Variants in CSMD1 observed in about 807,000 individuals in gnomAD.
CSMD1 encodes CUB and Sushi multiple domains 1.
Under a neutral mutation model 417.5 loss-of-function variants are expected in CSMD1, and 213 were observed. The observed-to-expected ratio is 0.51, with a 90% confidence interval of 0.46 to 0.57. The LOEUF (loss-of-function observed/expected upper bound fraction) is 0.57. CSMD1 is among the 20% of genes least tolerant of loss of function. The pLI is 0.00. For synonymous variants in CSMD1, 2,862 were observed against 1,736.8 expected, an observed-to-expected ratio of 1.65 and a Z score of -16.11; for missense variants, 6,923 against 4,529.7, an observed-to-expected ratio of 1.53 and a Z score of -15.17.
At chr8:3,713,646 A>C (rs899729473) in intron 6 of CSMD1, among the ~76,000 whole-genome samples, 1 of 152,222 alleles carries the variant, frequency 6.6e-6, no homozygotes, top group Non-Finnish European at 1.5e-5. Flanking sequence ...TCACTGTCTG[A>C]AAGAAGCTTT....
At chr8:3,426,711 T>C (rs1340474452) in intron 12 of CSMD1, among the ~76,000 whole-genome samples, 1 of 152,218 alleles carries the variant, frequency 6.6e-6, no homozygotes, top group Non-Finnish European at 1.5e-5. Flanking sequence ...AGTCAAATTA[T>C]TGTGCTAAAC....
intron 28 of CSMD1, among the ~76,000 whole-genome samples, chr8:3,221,408 G>A (rs753655453): frequency 1.3e-5 from 2 of 152,154 alleles, no homozygotes; most frequent in African/African-American, 2.4e-5. Flanking sequence ...AATAATAATT[G>A]TATTTAGAGT....
chr8:4,714,056 G>T (rs773357646), intron 1 of CSMD1, among the ~76,000 whole-genome samples: 6 of 151,890 alleles, frequency 4.0e-5, no homozygotes, highest in Non-Finnish European at 7.4e-5. Context: ...GAGGCAGGAG[G>T]ATCACCTGAA....
chr8:4,445,966 A>C (rs1165459283), intron 2 of CSMD1, among the ~76,000 whole-genome samples: 1 of 152,212 alleles, frequency 6.6e-6, no homozygotes, highest in Non-Finnish European at 1.5e-5. Flanking sequence ...AGGTAGACGA[A>C]AGGATAGCAA....
At chr8:4,629,828 T>A (rs768870547) in intron 2 of CSMD1, among the ~76,000 whole-genome samples, 3 of 152,220 alleles carry the variant, frequency 2.0e-5, no homozygotes, top group African/African-American at 7.2e-5. Context: ...AATAATAGTG[T>A]CATGTTGCAA....
At chr8:3,497,902 T>C (rs1313435848) in intron 10 of CSMD1, among the ~76,000 whole-genome samples, 1 of 152,220 alleles carries the variant, frequency 6.6e-6, no homozygotes, top group Non-Finnish European at 1.5e-5. Flanking sequence ...ATATTACTCT[T>C]TTGTGTGTCT....
intron 10 of CSMD1, among the ~76,000 whole-genome samples, chr8:3,501,187 C>A (rs1412937911): frequency 6.6e-6 from 1 of 152,106 alleles, no homozygotes; most frequent in Non-Finnish European, 1.5e-5. Flanking sequence ...CCAAAAGAAT[C>A]CAAATATATC....
chr8:4,800,784 A>T (rs1044914822), intron 1 of CSMD1, among the ~76,000 whole-genome samples: 4 of 152,152 alleles, frequency 2.6e-5, no homozygotes, highest in African/African-American at 9.6e-5. Context: ...ACCACCTAGG[A>T]GGTGGGTTTC....
At chr8:3,280,987 A>G (rs918463073) in intron 26 of CSMD1, among the ~76,000 whole-genome samples, 8 of 152,200 alleles carry the variant, frequency 5.3e-5, no homozygotes, top group East Asian at 1.9e-4. Context: ...GAGTAAAATG[A>G]AGTACATTCT....
rs188121386 is a variant in CSMD1, at chr8:2,986,052, G to A, written c.8378-7252C>T. ...AAACCGTCTCCATAGAAGAAGGAAG[G>A]AAGGAAGGAAGGAAAGAAGGGAGGG... On this transcript the variant is annotated intron_variant, in intron 54 of 69. Coordinates refer to ENST00000635120, the MANE Select transcript of CSMD1 (RefSeq NM_033225.6). Among the ~76,000 whole-genome samples, 180 of 146,278 alleles carry A rather than the reference G, an allele frequency of 1.2e-3. 2 individuals carry two copies. Among genetic ancestry groups the A allele is most frequent in the African/African-American group, 4.6e-3 (166 of 36,286 alleles).
intron 18 of CSMD1, among the ~76,000 whole-genome samples, chr8:3,386,024 C>A (rs1216192209): frequency 6.6e-6 from 1 of 152,120 alleles, no homozygotes; most frequent in African/African-American, 2.4e-5. Context: ...TTTCCTGCTG[C>A]AATAGTAATT....
chr8:4,087,630 C>T (rs765257214), intron 3 of CSMD1, among the ~76,000 whole-genome samples: 2 of 152,192 alleles, frequency 1.3e-5, no homozygotes, highest in East Asian at 1.9e-4. Context: ...CTTTCTTCTT[C>T]GATACTCTCA....
At chr8:4,444,822 C>G (rs919034687) in intron 2 of CSMD1, among the ~76,000 whole-genome samples, 1 of 152,164 alleles carries the variant, frequency 6.6e-6, no homozygotes, top group African/African-American at 2.4e-5. Context: ...TGACCTCAGC[C>G]ACAAGCCTTC....
intron 3 of CSMD1, among the ~76,000 whole-genome samples, chr8:4,349,087 A>T (rs1383506751): frequency 6.6e-6 from 1 of 152,250 alleles, no homozygotes; most frequent in African/African-American, 2.4e-5. Flanking sequence ...AAATGCTCAA[A>T]TTACAAAATG....
chr8:4,914,341 C>A (rs946504034), intron 1 of CSMD1, among the ~76,000 whole-genome samples: 4 of 152,070 alleles, frequency 2.6e-5, no homozygotes, highest in African/African-American at 9.7e-5. Context: ...CTTTGGGAGA[C>A]TGAGGCAGGC....
chr8:4,920,517 G>A (rs976364686), intron 1 of CSMD1, among the ~76,000 whole-genome samples: 5 of 152,080 alleles, frequency 3.3e-5, no homozygotes, highest in African/African-American at 1.2e-4. Flanking sequence ...CTGGGGACCT[G>A]TCCTCAGAAA....
At chr8:3,721,156 G>T (rs11136655) in intron 6 of CSMD1, among the ~76,000 whole-genome samples, 123,535 of 151,842 alleles carry the variant, frequency 0.81, 50,443 homozygotes, top group Middle Eastern at 0.9. Flanking sequence ...AAGATCAGGT[G>T]GTCCTGAAAC....
chr8:3,523,949 ATACACATGCACACT>A (rs561650748), intron 10 of CSMD1, among the ~76,000 whole-genome samples: 2 of 151,334 alleles, frequency 1.3e-5, no homozygotes, highest in Non-Finnish European at 2.9e-5. Context: ...AGACACGTGC[ATACACATGCACACT>A]TACACATGCA....
chr8:3,569,246 C>T (rs770776373), intron 10 of CSMD1, among the ~76,000 whole-genome samples: 5 of 152,046 alleles, frequency 3.3e-5, no homozygotes, highest in Non-Finnish European at 5.9e-5. Context: ...ATAGATATTT[C>T]GTGTTCCTTT....
Sources: gnomAD v4.1 joint callset for allele counts (sites outside exome capture counted in the v4.1 genomes callset) on GRCh38, gnomAD v4.1.1 for gene constraint, MANE v1.5 for transcripts, NCBI Gene and HGNC (gene_info 2026-07-23, HGNC 2026-07-21) for gene names.